The following NOS1AP variants were observed in gnomAD, a reference collection of about 807,000 sequenced individuals.
The protein encoded by NOS1AP is nitric oxide synthase 1 adaptor protein, also known as carboxyl-terminal PDZ ligand of neuronal nitric oxide synthase protein.
In NOS1AP, 21 loss-of-function variants were observed where a neutral mutation model predicts 56.2. That is an observed-to-expected ratio of 0.37 (90% CI 0.26 to 0.54). The LOEUF is 0.54. Among genes scored for constraint, NOS1AP ranks in the 20% least tolerant of loss-of-function variants. The probability of loss-of-function intolerance (pLI) is 0.84; values close to 1 mark genes in which losing one functional copy is unlikely to be tolerated. For synonymous variants in NOS1AP, 270 were observed against 274.6 expected, an observed-to-expected ratio of 0.98 and a Z score of 0.17; for missense variants, 522 against 657.8, an observed-to-expected ratio of 0.79 and a Z score of 2.26.
chr1:162,127,913 C>T (rs1271366610), intron 1 of NOS1AP, among the ~76,000 whole-genome samples: 1 of 152,108 alleles, frequency 6.6e-6, no homozygotes, highest in Non-Finnish European at 1.5e-5. Context: ...AAGAACAAAC[C>T]TCTGCATATA....
chr1:162,224,936 C>T, intron 2 of NOS1AP, among the ~76,000 whole-genome samples: 1 of 152,132 alleles, frequency 6.6e-6, no homozygotes, highest in East Asian at 1.9e-4. Flanking sequence ...CCCGGGAAGT[C>T]TTAAACAAAG....
At position 162,368,795 on chromosome 1, in the gene NOS1AP, C is replaced by G. The variant is rs774600131; in HGVS notation, c.*1328C>G. The G allele has an allele frequency of 3.9e-5, 6 of 152,184 alleles. No individual in the cohort carries two copies. Among genetic ancestry groups the G allele is most frequent in the Admixed American group, 2.0e-4 (3 of 15,282 alleles). 9.4% of individuals were successfully genotyped at this position (152,184 alleles called of 1,614,324 possible). On this transcript the variant is annotated 3_prime_UTR_variant, in exon 10 of 10. Coordinates refer to ENST00000361897, the MANE Select transcript of NOS1AP (RefSeq NM_014697.3). ...CTGAGACCTGCTAGAGTCATATGTTCGGGGAATTAAGTCTTTATCCTAGAC... is the reference window on the plus strand; with the variant it reads ...CTGAGACCTGCTAGAGTCATATGTTGGGGGAATTAAGTCTTTATCCTAGAC...
intron 1 of NOS1AP, among the ~76,000 whole-genome samples, chr1:162,124,956 C>T (rs576994222): frequency 6.6e-6 from 1 of 152,202 alleles, no homozygotes; most frequent in Admixed American, 6.5e-5. Context: ...ACTTATTTTT[C>T]TTCTGTAGAT....
intron 1 of NOS1AP, among the ~76,000 whole-genome samples, chr1:162,138,728 A>C (rs562016696): frequency 6.6e-6 from 1 of 152,280 alleles, no homozygotes; most frequent in Admixed American, 6.5e-5. Flanking sequence ...CCCTTCTCTA[A>C]GAGAGGTCAT....
At chr1:162,121,759 A>G (rs1056017792) in intron 1 of NOS1AP, among the ~76,000 whole-genome samples, 4 of 152,226 alleles carry the variant, frequency 2.6e-5, no homozygotes, top group Non-Finnish European at 5.9e-5. Flanking sequence ...TTACTTTAGA[A>G]AAAGGACTCC....
At chr1:162,130,508 A>G (rs1558113621) in intron 1 of NOS1AP, among the ~76,000 whole-genome samples, 1 of 152,202 alleles carries the variant, frequency 6.6e-6, no homozygotes, top group African/African-American at 2.4e-5. Context: ...TATCCCTGTG[A>G]CTATGCTGGC....
At chr1:162,282,173 G>T (rs10919058) in intron 2 of NOS1AP, among the ~76,000 whole-genome samples, 35,582 of 152,056 alleles carry the variant, frequency 0.23, 4,569 homozygotes, top group East Asian at 0.37. Context: ...TTACATTGCT[G>T]TACAACCATC....
chr1:162,096,538 A>T (rs1390823473), intron 1 of NOS1AP, among the ~76,000 whole-genome samples: 2 of 152,184 alleles, frequency 1.3e-5, no homozygotes, highest in African/African-American at 4.8e-5. Flanking sequence ...CTCCTCCTTG[A>T]TTTAATTCTC....
intron 1 of NOS1AP, among the ~76,000 whole-genome samples, chr1:162,127,353 G>C (rs968374920): frequency 2.6e-5 from 4 of 152,008 alleles, no homozygotes; most frequent in African/African-American, 9.7e-5. Context: ...TAATAAATTT[G>C]CCATATTTGT....
At chr1:162,116,160 G>A (rs1309544970) in intron 1 of NOS1AP, among the ~76,000 whole-genome samples, 1 of 152,164 alleles carries the variant, frequency 6.6e-6, no homozygotes, top group Admixed American at 6.5e-5. Context: ...GAGGACAGCT[G>A]TGTCACCTTC....
At chr1:162,293,664 C>T (rs1655346234) in intron 3 of NOS1AP, among the ~76,000 whole-genome samples, 1 of 152,224 alleles carries the variant, frequency 6.6e-6, no homozygotes, top group South Asian at 2.1e-4. Flanking sequence ...CAAAAGCATA[C>T]AGAGCAAGCC....
intron 1 of NOS1AP, among the ~76,000 whole-genome samples, chr1:162,145,362 C>T (rs1200378325): frequency 6.6e-6 from 1 of 152,106 alleles, no homozygotes; most frequent in African/African-American, 2.4e-5. Context: ...CCCCACGTCC[C>T]TTACACCCTA....
chr1:162,306,555 G>A lies in NOS1AP; in HGVS notation c.344+5849G>A, dbSNP rs544514652. Reference sequence around the variant, plus strand: ...TCAGACACATAGTTCTAGCCTAGGTGAGTTGACCCGGTATAAAACCACCAC... The same window carrying A: ...TCAGACACATAGTTCTAGCCTAGGTAAGTTGACCCGGTATAAAACCACCAC... On this transcript the variant is annotated intron_variant, in intron 4 of 9. Coordinates refer to ENST00000361897, the MANE Select transcript of NOS1AP (RefSeq NM_014697.3). Among the ~76,000 whole-genome samples the A allele has an allele frequency of 2.0e-4, 31 of 152,296 alleles. No homozygotes were observed. The South Asian group carries it at 6.2e-3, about 31-fold the overall frequency.
chr1:162,299,748 A>G (rs1246033274), intron 3 of NOS1AP, among the ~76,000 whole-genome samples: 2 of 152,104 alleles, frequency 1.3e-5, no homozygotes, highest in African/African-American at 4.8e-5. Context: ...TCAGGGATTA[A>G]ATGTGGTGTG....
intron 1 of NOS1AP, among the ~76,000 whole-genome samples, chr1:162,106,185 A>G (rs569607320): frequency 3.2e-4 from 49 of 152,304 alleles, no homozygotes; most frequent in Middle Eastern, 3.4e-3. Flanking sequence ...TTTCCCAGGC[A>G]GGGCTGCACA....
At chr1:162,342,154 GA>G (rs1327956626) in intron 5 of NOS1AP, among the ~76,000 whole-genome samples, 2 of 152,226 alleles carry the variant, frequency 1.3e-5, no homozygotes, top group African/African-American at 4.8e-5. Flanking sequence ...GGACCCCACA[GA>G]AGTTACCCAT....
intron 2 of NOS1AP, among the ~76,000 whole-genome samples, chr1:162,175,879 C>T (rs1651036101): frequency 6.6e-6 from 1 of 152,152 alleles, no homozygotes; most frequent in East Asian, 1.9e-4. Context: ...AACCTAGCTA[C>T]CACCACCCAT....
intron 4 of NOS1AP, among the ~76,000 whole-genome samples, chr1:162,309,414 G>A (rs1055130975): frequency 2.0e-5 from 3 of 152,156 alleles, no homozygotes; most frequent in Non-Finnish European, 2.9e-5. Context: ...TTTTTTGATG[G>A]CAAAAAATGT....
intron 2 of NOS1AP, among the ~76,000 whole-genome samples, chr1:162,250,199 G>A (rs763346608): frequency 6.6e-6 from 1 of 152,258 alleles, no homozygotes. Context: ...CCATTTTCCC[G>A]AGGGGACAGT....
Sources: allele counts gnomAD v4.1 joint callset (sites outside exome capture counted in the v4.1 genomes callset), GRCh38; gene constraint gnomAD v4.1.1; transcripts MANE v1.5; gene names NCBI Gene and HGNC (gene_info 2026-07-23, HGNC 2026-07-21).